CFAP46: variants seen among roughly 807,000 people sequenced by gnomAD.
CFAP46 encodes the protein cilia- and flagella-associated protein 46.
CFAP46 carries 245 observed loss-of-function variants against 325.7 expected under a neutral mutation model. The observed-to-expected ratio is 0.75, with a 90% confidence interval of 0.68 to 0.84. The LOEUF is 0.84. Among genes scored for constraint, CFAP46 ranks in the 40% least tolerant of loss-of-function variants. The pLI is 0.00. For synonymous variants in CFAP46, 1,523 were observed against 1,495.9 expected, an observed-to-expected ratio of 1.02 and a Z score of -0.42; for missense variants, 3,346 against 3,543.0, an observed-to-expected ratio of 0.94 and a Z score of 1.41.
At position 132,886,331 on chromosome 10, in the gene CFAP46, C is replaced by A. The variant is rs570189931; in HGVS notation, c.3305-372G>T. Among the ~76,000 whole-genome samples, 1 of 152,190 alleles carries A rather than the reference C, an allele frequency of 6.6e-6. No homozygotes were observed. The highest frequency in any genetic ancestry group is 2.4e-5 in the African/African-American group (1 of 41,446). ...AGGAGTTGCATGGAAAGCTCCCCCG[C>A]GGCCGAGGACACAGCGCCACGTGCA... is the stretch of plus-strand genomic sequence containing the variant. On this transcript the variant is annotated intron_variant, in intron 25 of 57. Transcript: ENST00000368586. This position sits in a 1 kb window ranked among gnomAD's most constrained non-coding sequence, Gnocchi z 5.8.
chr10:132,837,182 T>A, intron 44 of CFAP46: 1 of 465,144 alleles, frequency 2.1e-6, no homozygotes, highest in Non-Finnish European at 3.9e-6. Context: ...CTGATTTGCA[T>A]GACGCAAAGT....
intron 50 of CFAP46, among the ~76,000 whole-genome samples, chr10:132,824,692 G>C (rs1847997797): frequency 1.2e-5 from 1 of 82,320 alleles, no homozygotes; most frequent in African/African-American, 6.9e-5. Context: ...TGTGTGCTGT[G>C]TGTGCGCTGA....
rs1168977581 is a variant in CFAP46, at chr10:132,869,955, A to C, written c.4512-583T>G. Among the ~76,000 whole-genome samples the C allele has an allele frequency of 6.6e-6, 1 of 152,234 alleles. No individual in the cohort carries two copies. Among genetic ancestry groups the C allele is most frequent in the Non-Finnish European group, 1.5e-5 (1 of 68,046 alleles). The stretch of plus-strand genomic sequence containing the variant: ...CTGTATTGCGCTGCTCAGATGTTGC[A>C]TATTTTACAAATTGAAAGTCTGGGG... On this transcript the variant is annotated intron_variant, in intron 32 of 57. Coordinates refer to ENST00000368586, the MANE Select transcript of CFAP46 (RefSeq NM_001200049.3). This position sits in a 1 kb window ranked among gnomAD's most constrained non-coding sequence, Gnocchi z 6.2.
rs1404742689 is a variant in CFAP46 at position 132,872,709 on chromosome 10, C to T, written c.4478G>A (p.Gly1493Glu). The change falls in exon 32 of 58, where the codon GGA becomes GAA. Residue 1493 changes from glycine (G) to glutamate (E), a missense_variant. By Grantham distance (98) the Gly-to-Glu change is moderately conservative (BLOSUM62 -2). Coordinates refer to ENST00000368586, the MANE Select transcript of CFAP46 (RefSeq NM_001200049.3). Reference protein sequence around the residue: ...LGVLISDSVVGSKGLSDLYHL... With the variant: ...LGVLISDSVVESKGLSDLYHL... Reference sequence around the variant, plus strand: ...GTAGAGATCCGACAGGCCCTTGCTTCCCACCACGGAGTCCGAAATCAGCAC... The same window carrying T: ...GTAGAGATCCGACAGGCCCTTGCTTTCCACCACGGAGTCCGAAATCAGCAC... 6.4e-7 allele frequency: 1 copy of T among 1,550,712 alleles called. No homozygotes were observed. Among genetic ancestry groups the T allele is most frequent in the Non-Finnish European group, 8.7e-7 (1 of 1,147,032 alleles).
Position 132,939,107 on chromosome 10 carries a change from G to A in CFAP46, c.372-354C>T, listed in dbSNP as rs1055271146. On this transcript the variant is annotated intron_variant, in intron 4 of 57. Transcript: ENST00000368586. This position sits in a 1 kb window ranked among gnomAD's most constrained non-coding sequence, Gnocchi z 4.6. ...CCCATGAAAATACACCACTGGGCAA[G>A]GCCTCCTCTGACTCTCAAGGGATAG... is the stretch of plus-strand genomic sequence containing the variant. Among the ~76,000 whole-genome samples, 2 of 152,214 alleles carry A rather than the reference G, an allele frequency of 1.3e-5. No homozygotes were observed. The highest frequency in any genetic ancestry group is 4.8e-5 in the African/African-American group (2 of 41,458).
At chr10:132,912,006 A>G (rs1849546967) in intron 19 of CFAP46, among the ~76,000 whole-genome samples, 1 of 151,946 alleles carries the variant, frequency 6.6e-6, no homozygotes, top group African/African-American at 2.4e-5. Flanking sequence ...CACTGAAGGC[A>G]GTTTGCTCTC....
rs1480895706 is a variant in CFAP46, at chr10:132,879,334, T to C, written c.4005+92A>G. 1.9e-5 allele frequency: 24 copies of C among 1,245,882 alleles called. No homozygotes were observed. In the East Asian group the frequency reaches 6.4e-4, roughly 33 times the overall value. The allele number at this position is 1,245,882 out of a possible 1,614,324, so 77.2% of individuals were successfully genotyped here. On this transcript the variant is annotated intron_variant, in intron 29 of 57. Transcript: ENST00000368586. Reference sequence around the variant, plus strand: ...CTTTAGGAAATGCTGGGAAAGACTCTGACATCTTTACAACGCTCACTGCGG... The same window carrying C: ...CTTTAGGAAATGCTGGGAAAGACTCCGACATCTTTACAACGCTCACTGCGG...
At chr10:132,875,461 G>C (rs967024285) in intron 31 of CFAP46, among the ~76,000 whole-genome samples, 1 of 152,234 alleles carries the variant, frequency 6.6e-6, no homozygotes, top group Admixed American at 6.5e-5. Flanking sequence ...ATGAGGTAAG[G>C]AGATTTTCTC....
intron 28 of CFAP46, among the ~76,000 whole-genome samples, chr10:132,880,436 C>A (rs949244428): frequency 6.6e-6 from 1 of 152,250 alleles, no homozygotes; most frequent in South Asian, 2.1e-4. Flanking sequence ...GCCCCCACCT[C>A]GAGTCAGAAG....
At position 132,808,588 on chromosome 10, in the gene CFAP46, C is replaced by G. The variant is rs950894082; in HGVS notation, c.7981G>C (p.Ala2661Pro). Residue 2661 changes from alanine to proline, a missense_variant, in exon 58 of 58, where the codon GCC (alanine) becomes CCC (proline). Ala to Pro is a conservative substitution (Grantham distance 27). Transcript: ENST00000368586. This position sits in a 1 kb window ranked among gnomAD's most constrained non-coding sequence, Gnocchi z 6.8. Reference protein sequence around the residue: ...PPPATSRKAAAWTSSSACLCA... With the variant: ...PPPATSRKAAPWTSSSACLCA... Reference sequence around the variant, plus strand: ...AGGCAGGCAGAGCTCGAGGTCCAGGCGGCTGCCTTGCGGGAAGTCGCTGGG... The same window carrying G: ...AGGCAGGCAGAGCTCGAGGTCCAGGGGGCTGCCTTGCGGGAAGTCGCTGGG... 2 of 1,612,500 alleles carry G rather than the reference C, an allele frequency of 1.2e-6. No homozygotes were observed. The highest frequency in any genetic ancestry group is 1.1e-5 in the South Asian group (1 of 91,060).
chr10:132,824,915 CTG>C (rs1435269044), intron 50 of CFAP46, among the ~76,000 whole-genome samples: 4 of 120,046 alleles, frequency 3.3e-5, no homozygotes, highest in East Asian at 2.9e-4. Flanking sequence ...CTAATGTGTG[CTG>C]TGTGTGCTGC....
chr10:132,885,993 G>T (rs576228197), intron 25 of CFAP46, 34 bp from the exon 26 acceptor site: 56 of 1,543,118 alleles, frequency 3.6e-5, no homozygotes, highest in Non-Finnish European at 4.7e-5. Context: ...CCTTGGAGCC[G>T]CCTGATCCCT....
rs1028936737 is a variant in CFAP46 at position 132,832,502 on chromosome 10, C to T, written c.7117+856G>A. On this transcript the variant is annotated intron_variant, in intron 50 of 57. Transcript: ENST00000368586. The surrounding 1 kb of genome is among the most constrained non-coding windows in gnomAD (Gnocchi z 4.1). ...GGCCCCCCGTCCTGCGCGGACTGCT[C>T]GTCAATGTTTGAAAACCCTCATTTC... 18 of 309,770 alleles carry T rather than the reference C, an allele frequency of 5.8e-5. No individual in the cohort carries two copies. The highest frequency in any genetic ancestry group is 9.2e-5 in the East Asian group (1 of 10,834). The allele number at this position is 309,770 out of a possible 1,614,324, so 19.2% of individuals were successfully genotyped here. A position where few individuals can be genotyped will look rare whatever the true frequency, so the allele number is the denominator to read the frequency against.
chr10:132,916,388 A>G (rs572733478), intron 17 of CFAP46, among the ~76,000 whole-genome samples, 161 bp downstream of exon 17: 23 of 152,292 alleles, frequency 1.5e-4, no homozygotes, highest in Non-Finnish European at 2.2e-4. Flanking sequence ...TTTCTCTTTC[A>G]TGGTCTCAGT....
chr10:132,926,598 C>G lies in CFAP46; in HGVS notation c.1035G>C (p.Lys345Asn). 1.3e-6 allele frequency: 2 copies of G among 1,536,224 alleles called. No homozygotes were observed. Among genetic ancestry groups the G allele is most frequent in the Non-Finnish European group, 8.7e-7 (1 of 1,146,922 alleles). ...CESEALRLES[K>N]MKVYNRAAVE... Reference sequence around the variant, plus strand: ...CAGCCGCTCGGTTGTACACTTTCATCTTACTTTCAAGTCTTAAAGCTTCCG... The same window carrying G: ...CAGCCGCTCGGTTGTACACTTTCATGTTACTTTCAAGTCTTAAAGCTTCCG... Residue 345 changes from lysine (K) to asparagine (N), a missense_variant, in exon 10 of 58, where the codon AAG (lysine) becomes AAC (asparagine). By Grantham distance (94) the Lys-to-Asn change is moderately conservative (BLOSUM62 0). Coordinates refer to ENST00000368586, the MANE Select transcript of CFAP46 (RefSeq NM_001200049.3).
In CFAP46 at chr10:132,877,997, CCTT is replaced by C. The variant is rs1011814879; in HGVS notation, c.4093_4095del (p.Lys1365del). The C allele has an allele frequency of 2.1e-5, 33 of 1,550,582 alleles. 1 individual carries two copies. In the Admixed American group the frequency reaches 4.7e-4, roughly 22 times the overall value. On this transcript the variant is annotated inframe_deletion, in exon 30 of 58. Transcript: ENST00000368586. The surrounding 1 kb of genome is among the most constrained non-coding windows in gnomAD (Gnocchi z 5.7). Reference sequence around the variant, plus strand: ...TCCTTCTCTTTACTCCTCTCATTCTCCTTCTCTTTTTTAGGCAATAACAGATGT... The same window carrying C: ...TCCTTCTCTTTACTCCTCTCATTCTCCTCTTTTTTAGGCAATAACAGATGT...
chr10:132,908,727 C>G, intron 21 of CFAP46, 93 bp from the exon 22 acceptor site: 1 of 1,413,602 alleles, frequency 7.1e-7, no homozygotes, highest in Non-Finnish European at 9.3e-7. Flanking sequence ...CGCATGTGAT[C>G]CTAAGCAGAG....
intron 17 of CFAP46, among the ~76,000 whole-genome samples, chr10:132,913,964 G>T (rs930850351): frequency 2.6e-5 from 4 of 152,104 alleles, no homozygotes; most frequent in African/African-American, 9.7e-5. Context: ...GCTGGTTCCC[G>T]TGGCCACGAG....
intron 24 of CFAP46, 126 bp downstream of exon 24, chr10:132,898,833 T>C: frequency 7.8e-7 from 1 of 1,288,228 alleles, no homozygotes; most frequent in South Asian, 1.3e-5. Flanking sequence ...CCTCCTCGGC[T>C]GGTGCTGGTG....
Sources: gnomAD v4.1 joint callset for allele counts (sites outside exome capture counted in the v4.1 genomes callset) on GRCh38, gnomAD v4.1.1 for gene constraint, Gnocchi (gnomAD v3.1) non-coding constraint, MANE v1.5 for transcripts, NCBI Gene and HGNC (gene_info 2026-07-23, HGNC 2026-07-21) for gene names.